Variants in TMC2 observed in about 807,000 individuals in gnomAD.
The protein encoded by TMC2 is transmembrane channel-like protein 2.
In TMC2, 102 loss-of-function variants were observed where a neutral mutation model predicts 105.9. The ratio of observed to expected loss-of-function variants is 0.96; its 90% CI spans 0.82 to 1.14. The LOEUF is 1.14. Ranked by LOEUF, TMC2 falls within the 50% of genes most tolerant of loss-of-function variation. The probability of loss-of-function intolerance (pLI) is 0.00; values close to 1 mark genes in which losing one functional copy is unlikely to be tolerated. For missense variants in TMC2, 1,093 were observed against 1,134.3 expected (o/e 0.96, Z 0.52); for synonymous variants, 402 against 422.8 (o/e 0.95, Z 0.60).
intron 2 of TMC2, among the ~76,000 whole-genome samples, chr20:2,542,171 A>G (rs985920991): frequency 6.6e-6 from 1 of 152,212 alleles, no homozygotes; most frequent in East Asian, 1.9e-4. Flanking sequence ...ATTGAATTAC[A>G]TATGTACAAA....
chr20:2,585,947 G>A (rs952252533), intron 7 of TMC2, among the ~76,000 whole-genome samples: 2 of 152,118 alleles, frequency 1.3e-5, no homozygotes, highest in African/African-American at 4.8e-5. Flanking sequence ...ACTAAATCAA[G>A]CCCACACTCA....
At chr20:2,591,762 AAAGG>A (rs1364628864) in intron 7 of TMC2, among the ~76,000 whole-genome samples, 46 of 152,114 alleles carry the variant, frequency 3.0e-4, no homozygotes, top group African/African-American at 1.0e-3. Context: ...AAAGAAAAGG[AAAGG>A]AAAAGAAAAG....
At chr20:2,613,898 C>T (rs747857036) in intron 14 of TMC2, 10 of 162,182 alleles carry the variant, frequency 6.2e-5, no homozygotes, top group Non-Finnish European at 1.4e-4. Flanking sequence ...TCTTCCACAA[C>T]ACCTCACTGG....
At position 2,579,201 on chromosome 20, in the gene TMC2, G is replaced by A; in HGVS notation, c.701G>A (p.Trp234Ter). ...AATTTCAAGACTCAATGTATCCCCTGGGAAATGAAGATCAAGGACATTGAA... is the reference window on the plus strand; with the variant it reads ...AATTTCAAGACTCAATGTATCCCCTAGGAAATGAAGATCAAGGACATTGAA... The part of the protein sequence containing the change: ...FDNFKTQCIP[W>*]EMKIKDIESH... The change falls in exon 6 of 20, where the codon TGG becomes TAG. Residue 234 changes from tryptophan (W) to a stop codon, truncating the protein, a stop_gained. Transcript: ENST00000358864. LOFTEE classifies it high-confidence loss of function. 3 of 1,602,118 alleles carry A rather than the reference G, an allele frequency of 1.9e-6. No individual in the cohort carries two copies. The highest frequency in any genetic ancestry group is 2.6e-6 in the Non-Finnish European group (3 of 1,169,286).
At chr20:2,599,957 C>G (rs899407419) in intron 10 of TMC2, among the ~76,000 whole-genome samples, 3 of 152,320 alleles carry the variant, frequency 2.0e-5, no homozygotes, top group Non-Finnish European at 4.4e-5. Flanking sequence ...CTCAGCAACT[C>G]ACAGCATGGG....
intron 17 of TMC2, among the ~76,000 whole-genome samples, chr20:2,634,459 T>C (rs1421426781): frequency 6.6e-6 from 1 of 152,250 alleles, no homozygotes; most frequent in Non-Finnish European, 1.5e-5. Flanking sequence ...GTGTGTTGTT[T>C]TATATCCTTG....
At chr20:2,624,427 C>G (rs1018284691) in intron 17 of TMC2, 31 bp downstream of exon 17, 3 of 1,595,062 alleles carry the variant, frequency 1.9e-6, no homozygotes, top group Non-Finnish European at 1.7e-6. Flanking sequence ...GGCTCCACCC[C>G]ACGGAAACTT....
chr20:2,559,378 G>A (rs925444904), intron 3 of TMC2, among the ~76,000 whole-genome samples: 1 of 152,182 alleles, frequency 6.6e-6, no homozygotes, highest in African/African-American at 2.4e-5. Context: ...TAGCACGTGT[G>A]GGTTAGTGGA....
chr20:2,564,661 G>A (rs745927732), intron 4 of TMC2, among the ~76,000 whole-genome samples: 4 of 152,198 alleles, frequency 2.6e-5, no homozygotes, highest in Non-Finnish European at 5.9e-5. Context: ...CTCAGGGACC[G>A]TGACAATCCC....
At chr20:2,631,052 C>A (rs1055678335) in intron 17 of TMC2, among the ~76,000 whole-genome samples, 3 of 151,974 alleles carry the variant, frequency 2.0e-5, no homozygotes, top group Non-Finnish European at 2.9e-5. Flanking sequence ...TATTTTAGTA[C>A]ATAATTTTAG....
At chr20:2,568,757 AG>A (rs989919733) in intron 4 of TMC2, among the ~76,000 whole-genome samples, 5 of 152,148 alleles carry the variant, frequency 3.3e-5, no homozygotes, top group African/African-American at 7.2e-5. Flanking sequence ...TCTCCTGCCA[AG>A]GGGGGGAACA....
At chr20:2,635,802 G>C (rs1278634782) in intron 17 of TMC2, 124 bp from the exon 18 acceptor site, 5 of 742,544 alleles carry the variant, frequency 6.7e-6, no homozygotes, top group African/African-American at 3.5e-5. Context: ...GAAGATGGTA[G>C]GACACCCACC....
chr20:2,616,751 C>T lies in TMC2; in HGVS notation c.1941-321C>T, dbSNP rs2086485250. 6.6e-6 allele frequency among the ~76,000 whole-genome samples: 1 copy of T among 152,200 alleles called. No individual in the cohort carries two copies. Among genetic ancestry groups the T allele is most frequent in the Admixed American group, 6.5e-5 (1 of 15,278 alleles). ...GAAGGACTTCAAATACTCTTCTGAG[C>T]AGCAATGCTGTTTTATGGAAACCGA... On this transcript the variant is annotated intron_variant, in intron 15 of 19. Coordinates refer to ENST00000358864, the MANE Select transcript of TMC2 (RefSeq NM_080751.3). This position sits in a 1 kb window ranked among gnomAD's most constrained non-coding sequence, Gnocchi z 4.8.
rs990564117 is a variant in TMC2, at chr20:2,642,217, A to C, written c.*866A>C. 2.6e-5 allele frequency among the ~76,000 whole-genome samples: 4 copies of C among 152,194 alleles called. No homozygotes were observed. The highest frequency in any genetic ancestry group is 5.9e-5 in the Non-Finnish European group (4 of 68,044). On this transcript the variant is annotated 3_prime_UTR_variant, in exon 20 of 20. Transcript: ENST00000358864. ...AAGACCCTTGTCTCTACAAATAGAT[A>C]AATGAATCAAAGTAAATGAAAGTGA...
chr20:2,541,682 G>T (rs2085891001), intron 2 of TMC2, among the ~76,000 whole-genome samples: 1 of 150,688 alleles, frequency 6.6e-6, no homozygotes, highest in Admixed American at 6.6e-5. Flanking sequence ...AAAAAGAAAA[G>T]AAAAAAGAAA....
chr20:2,589,369 G>A (rs917005823), intron 7 of TMC2, among the ~76,000 whole-genome samples: 2 of 147,974 alleles, frequency 1.4e-5, no homozygotes, highest in Non-Finnish European at 3.0e-5. Flanking sequence ...TTGAACTCCT[G>A]AGCTCAAGCG....
In TMC2 at chr20:2,616,005, A is replaced by T. The variant is rs374461566; in HGVS notation, c.1873-132A>T. On this transcript the variant is annotated intron_variant, in intron 14 of 19. Transcript: ENST00000358864. The surrounding 1 kb of genome is among the most constrained non-coding windows in gnomAD (Gnocchi z 4.8). ...AATGCTAAATCTAAGGTTCTTCTCTAGTTACCAGAGCAGGCTCTTTGGGAT... is the reference window on the plus strand; with the variant it reads ...AATGCTAAATCTAAGGTTCTTCTCTTGTTACCAGAGCAGGCTCTTTGGGAT... 19 of 619,562 alleles carry T rather than the reference A, an allele frequency of 3.1e-5. No individual in the cohort carries two copies. The highest frequency in any genetic ancestry group is 2.2e-4 in the African/African-American group (12 of 53,880). 38.4% of individuals were successfully genotyped at this position (619,562 alleles called of 1,614,324 possible).
chr20:2,628,567 C>T (rs1041002520), intron 17 of TMC2, among the ~76,000 whole-genome samples: 3 of 151,176 alleles, frequency 2.0e-5, no homozygotes, highest in East Asian at 2.0e-4. Context: ...CAGTTCCCCC[C>T]GTGCCGTTCT....
rs368991663 is a variant in TMC2, at chr20:2,579,169, C to T, written c.669C>T (p.Asp223=). 2 of 1,594,846 alleles carry T rather than the reference C, an allele frequency of 1.3e-6. No homozygotes were observed. Among genetic ancestry groups the T allele is most frequent in the African/African-American group, 1.3e-5 (1 of 74,458 alleles). Residue 223 remains aspartate (D), a synonymous_variant, in exon 6 of 20, where the codon GAC becomes GAT. Transcript: ENST00000358864. ...AGAAATGGGTCAAATTTAAGAGAGA[C>T]TTTGATAATTTCAAGACTCAATGTA... ...MAKKWVKFKR[D]FDNFKTQCIP...
Sources: allele counts gnomAD v4.1 joint callset (sites outside exome capture counted in the v4.1 genomes callset), GRCh38; gene constraint gnomAD v4.1.1; non-coding constraint Gnocchi (gnomAD v3.1); transcripts MANE v1.5; gene names NCBI Gene and HGNC (gene_info 2026-07-23, HGNC 2026-07-21).